Variants in UGT2B4 observed in about 807,000 individuals in gnomAD.
UGT2B4 encodes UDP glucuronosyltransferase family 2 member B4, also known as UDP-glucuronosyltransferase 2B4.
Under a neutral mutation model 49.8 loss-of-function variants are expected in UGT2B4, and 49 were observed. That is an observed-to-expected ratio of 0.98 (90% confidence interval 0.78 to 1.25). The LOEUF (loss-of-function observed/expected upper bound fraction) is 1.25, where lower values mean the gene tolerates loss of function less well. Ranked by LOEUF, UGT2B4 falls within the 50% of genes most tolerant of loss-of-function variation. UGT2B4 has a pLI of 0.00. For synonymous variants in UGT2B4, 246 were observed against 217.7 expected (o/e 1.13, Z -1.14); for missense variants, 729 against 627.7 (o/e 1.16, Z -1.73).
intron 1 of UGT2B4, among the ~76,000 whole-genome samples, chr4:69,517,139 A>G (rs1174761288): frequency 2.0e-5 from 3 of 152,160 alleles, no homozygotes; most frequent in African/African-American, 4.8e-5. Context: ...AAAAATGTGT[A>G]CATCAGTGAA....
chr4:69,519,993 CAAAT>C (rs1291874844), intron 1 of UGT2B4, among the ~76,000 whole-genome samples: 7 of 152,184 alleles, frequency 4.6e-5, no homozygotes, highest in East Asian at 3.9e-4. Context: ...TAGTATCTCA[CAAAT>C]AAACACAAGT....
At chr4:69,511,114 C>A (rs1381163014) in intron 1 of UGT2B4, among the ~76,000 whole-genome samples, 1 of 151,562 alleles carries the variant, frequency 6.6e-6, no homozygotes, top group Non-Finnish European at 1.5e-5. Flanking sequence ...ACCCTACCCT[C>A]CCGAGTAGCT....
intron 5 of UGT2B4, among the ~76,000 whole-genome samples, chr4:69,484,024 T>C (rs111452446): frequency 6.6e-6 from 1 of 152,302 alleles, no homozygotes; most frequent in African/African-American, 2.4e-5. Flanking sequence ...AAAGAATGTA[T>C]ATGCATGGTC....
At chr4:69,503,682 T>C (rs748514875) in intron 1 of UGT2B4, among the ~76,000 whole-genome samples, 3 of 152,150 alleles carry the variant, frequency 2.0e-5, no homozygotes, top group Non-Finnish European at 2.9e-5. Context: ...AGACTCAGAA[T>C]TGTGCTGCCC....
In UGT2B4 at chr4:69,495,564, G is replaced by A. The variant is rs1728132522; in HGVS notation, c.298C>T (p.Leu100Phe). 1 of 1,613,856 alleles carries A rather than the reference G, an allele frequency of 6.2e-7. No individual in the cohort carries two copies. The highest frequency in any genetic ancestry group is 8.5e-7 in the Non-Finnish European group (1 of 1,179,924). ...TATGACCAAAATGTGTCTTTTGGAA[G>A]TTCTGCCCATCTCTTAACCAGCTGC... ...IKQLVKRWAE[L>F]PKDTFWSYFS... Residue 100 changes from leucine to phenylalanine, a missense_variant, in exon 1 of 6, where the codon CTT (leucine) becomes TTT (phenylalanine). By Grantham distance (22) the Leu-to-Phe change is conservative. Coordinates refer to ENST00000305107, the MANE Select transcript of UGT2B4 (RefSeq NM_021139.3).
chr4:69,519,754 G>A (rs1420710832), intron 1 of UGT2B4, among the ~76,000 whole-genome samples: 1 of 152,184 alleles, frequency 6.6e-6, no homozygotes, highest in Non-Finnish European at 1.5e-5. Context: ...AATCTTCACA[G>A]GTATGGAACA....
At chr4:69,514,630 T>G (rs949147723) in intron 1 of UGT2B4, among the ~76,000 whole-genome samples, 1 of 152,188 alleles carries the variant, frequency 6.6e-6, no homozygotes, top group East Asian at 1.9e-4. Flanking sequence ...TTGAGATAGG[T>G]TCCCTCAATA....
chr4:69,524,952 A>C (rs1484762902), intron 1 of UGT2B4, among the ~76,000 whole-genome samples: 1 of 152,198 alleles, frequency 6.6e-6, no homozygotes, highest in African/African-American at 2.4e-5. Flanking sequence ...CAGTGAGTAG[A>C]ATGAGAAAAG....
rs760287850 is a variant in UGT2B4, at chr4:69,502,085, T to TTCTC, written c.-105-6123_-105-6120dup. Among the ~76,000 whole-genome samples, 77 of 82,796 alleles carry TTCTC rather than the reference T, an allele frequency of 9.3e-4. 3 individuals carry two copies. Among genetic ancestry groups the TTCTC allele is most frequent in the African/African-American group, 2.1e-3 (45 of 21,474 alleles). 54.3% of individuals were successfully genotyped at this position (82,796 alleles called of 152,430 possible). A position where few individuals can be genotyped will look rare whatever the true frequency, so the allele number is the denominator to read the frequency against. On this transcript the variant is annotated intron_variant, in intron 1 of 1. Coordinates refer to the UGT2B4 transcript ENST00000510114. ...TTCCTTCCTTCTTTTCTTTCTTTCT[T>TTCTC]TCTCTCTCTTTCTTTCTTTCTTTCT...
At chr4:69,500,590 C>CAAGAAAGCAAGCAAGAAAGCAAGA (rs1399741309), upstream of UGT2B4, among the ~76,000 whole-genome samples, 10 of 61,076 alleles carry the variant, frequency 1.6e-4, no homozygotes, top group South Asian at 2.2e-3. Context: ...AGCAAGAAAG[C>CAAGAAAGCAAGCAAGAAAGCAAGA]AAGCAAGAAA....
intron 1 of UGT2B4, among the ~76,000 whole-genome samples, chr4:69,505,922 A>G (rs1728455757): frequency 6.6e-6 from 1 of 151,988 alleles, no homozygotes; most frequent in Non-Finnish European, 1.5e-5. Context: ...ACTCAAAACC[A>G]TACAATTACA....
intron 2 of UGT2B4, 56 bp downstream of exon 2, chr4:69,493,637 A>C (rs1728058017): frequency 1.3e-6 from 2 of 1,566,858 alleles, no homozygotes; most frequent in East Asian, 4.7e-5. Flanking sequence ...TTGAATGAAT[A>C]TAGAACCATT....
At chr4:69,503,266 C>T (rs923266497) in intron 1 of UGT2B4, among the ~76,000 whole-genome samples, 4 of 152,142 alleles carry the variant, frequency 2.6e-5, no homozygotes, top group African/African-American at 9.7e-5. Flanking sequence ...ACAGGGTAGT[C>T]TTTGGTGCCC....
rs1727748647 is a variant in UGT2B4 at position 69,485,363 on chromosome 4, G to T, written c.1155C>A (p.Tyr385Ter). ...GAACGCCCACCATAGGGATTCCATG[G>T]TAGATTGCCTCATAGATGCCATTGG... is the stretch of plus-strand genomic sequence containing the variant. ...GGANGIYEAI[Y>*]HGIPMVGVPL... Residue 385 changes from tyrosine (Y) to a stop codon, truncating the protein, a stop_gained, in exon 5 of 6, where the codon TAC (tyrosine) becomes TAA (stop). Transcript: ENST00000305107. LOFTEE classifies it high-confidence loss of function. 6.2e-7 allele frequency: 1 copy of T among 1,613,930 alleles called. No individual in the cohort carries two copies. The highest frequency in any genetic ancestry group is 1.3e-5 in the African/African-American group (1 of 75,012).
chr4:69,505,190 A>T (rs1402006090), intron 1 of UGT2B4, among the ~76,000 whole-genome samples: 1 of 152,064 alleles, frequency 6.6e-6, no homozygotes, highest in Non-Finnish European at 1.5e-5. Context: ...ACCAGCTAAC[A>T]TCATGATGGC....
chr4:69,489,293 T>C (rs1467536127), intron 3 of UGT2B4, 146 bp downstream of exon 3: 6 of 1,088,134 alleles, frequency 5.5e-6, no homozygotes, highest in South Asian at 3.1e-5. Flanking sequence ...TCCATACATA[T>C]TTTTGATTTT....
chr4:69,499,338 G>T (rs1294939579), upstream of UGT2B4, among the ~76,000 whole-genome samples: 1 of 152,164 alleles, frequency 6.6e-6, no homozygotes, highest in East Asian at 1.9e-4. Context: ...TGTATATTCT[G>T]TTGTCTCTGG....
intron 1 of UGT2B4, among the ~76,000 whole-genome samples, chr4:69,521,541 G>T (rs1728849823): frequency 6.6e-6 from 1 of 152,202 alleles, no homozygotes; most frequent in Non-Finnish European, 1.5e-5. Flanking sequence ...CAGCCAACAT[G>T]CCTGGCTGTG....
chr4:69,524,270 C>G (rs74824174), intron 1 of UGT2B4, among the ~76,000 whole-genome samples: 1 of 152,008 alleles, frequency 6.6e-6, no homozygotes, highest in African/African-American at 2.4e-5. Context: ...CCTCACTTAT[C>G]TTAATAATTT....
Sources: allele counts gnomAD v4.1 joint callset (sites outside exome capture counted in the v4.1 genomes callset), GRCh38; gene constraint gnomAD v4.1.1; transcripts MANE v1.5; gene names NCBI Gene and HGNC (gene_info 2026-07-23, HGNC 2026-07-21).